GNG2: variants seen among roughly 807,000 people sequenced by gnomAD.
The protein encoded by GNG2 is guanine nucleotide-binding protein G(I)/G(S)/G(O) subunit gamma-2.
Under a neutral mutation model 5.5 loss-of-function variants are expected in GNG2, and 5 were observed. The ratio of observed to expected loss-of-function variants is 0.91; its 90% CI spans 0.48 to 1.92. GNG2 has a LOEUF of 1.92. Among genes scored for constraint, GNG2 ranks in the 30% most tolerant of loss-of-function variants. GNG2 has a pLI of 0.01. For synonymous variants in GNG2, 28 were observed against 32.0 expected (o/e 0.88, Z 0.42); for missense variants, 55 against 88.4 (o/e 0.62, Z 1.52).
intron 1 of GNG2, among the ~76,000 whole-genome samples, chr14:51,869,489 C>T (rs1883158517): frequency 6.6e-6 from 1 of 152,156 alleles, no homozygotes; most frequent in African/African-American, 2.4e-5. Context: ...AGAGGCATAT[C>T]AAGGTGCAGC....
chr14:51,870,782 G>C (rs1883244878), intron 1 of GNG2, among the ~76,000 whole-genome samples: 1 of 152,128 alleles, frequency 6.6e-6, no homozygotes, highest in African/African-American at 2.4e-5. Flanking sequence ...TCCTACTTTG[G>C]CATTATATTT....
In GNG2 at chr14:51,968,815, A is replaced by G. The variant is rs1259668274; in HGVS notation, c.*2128A>G. ...AACACTCTTTGGTGGTGACTGAGGC[A>G]TCATTAGAAGGCCCAGACGATTTCC... On this transcript the variant is annotated 3_prime_UTR_variant, in exon 4 of 4. Transcript: ENST00000556766. The G allele has an allele frequency of 1.3e-5, 2 of 152,232 alleles. No individual in the cohort carries two copies. The highest frequency in any genetic ancestry group is 4.8e-5 in the African/African-American group (2 of 41,456). 9.4% of individuals were successfully genotyped at this position (152,232 alleles called of 1,614,324 possible).
chr14:51,827,289 T>C (rs911679626), intron 1 of GNG2, among the ~76,000 whole-genome samples: 1 of 152,242 alleles, frequency 6.6e-6, no homozygotes, highest in African/African-American at 2.4e-5. Flanking sequence ...AGAACAGTGC[T>C]TCTCGAAGTG....
At chr14:51,930,320 A>C (rs1445814241) in intron 2 of GNG2, among the ~76,000 whole-genome samples, 2 of 152,156 alleles carry the variant, frequency 1.3e-5, no homozygotes, top group Non-Finnish European at 2.9e-5. Context: ...ACTAATCCAT[A>C]CTCACTATCA....
intron 2 of GNG2, among the ~76,000 whole-genome samples, chr14:51,838,014 C>T (rs1048147312): frequency 6.6e-6 from 1 of 151,970 alleles, no homozygotes; most frequent in Non-Finnish European, 1.5e-5. Flanking sequence ...CCTGGAGAAT[C>T]AGATAATCAC....
At chr14:51,906,893 C>T (rs1486154516) in intron 2 of GNG2, among the ~76,000 whole-genome samples, 2 of 151,708 alleles carry the variant, frequency 1.3e-5, no homozygotes, top group Admixed American at 6.6e-5. Flanking sequence ...GTAGCTGGGA[C>T]TACAGGTGCC....
chr14:51,830,524 C>T (rs1881152336), intron 2 of GNG2, among the ~76,000 whole-genome samples: 1 of 152,230 alleles, frequency 6.6e-6, no homozygotes, highest in Non-Finnish European at 1.5e-5. Context: ...GCTTCTCCTG[C>T]ATGTCTCCTG....
chr14:51,864,713 C>T (rs1882755930), intron 1 of GNG2, among the ~76,000 whole-genome samples: 1 of 152,154 alleles, frequency 6.6e-6, no homozygotes, highest in Non-Finnish European at 1.5e-5. Context: ...TTCTTCAGTG[C>T]TTTTCTGGTC....
intron 2 of GNG2, among the ~76,000 whole-genome samples, chr14:51,884,209 T>G (rs1884288014): frequency 6.6e-6 from 1 of 152,208 alleles, no homozygotes; most frequent in Non-Finnish European, 1.5e-5. Context: ...TTTTAAAATG[T>G]GCCTTTTAAA....
chr14:51,900,567 A>C (rs1451793184), intron 2 of GNG2, among the ~76,000 whole-genome samples: 1 of 149,286 alleles, frequency 6.7e-6, no homozygotes, highest in Non-Finnish European at 1.5e-5. Context: ...CCTAGGATCT[A>C]GTATGACATT....
intron 2 of GNG2, among the ~76,000 whole-genome samples, chr14:51,931,387 G>A (rs1347821271): frequency 6.6e-6 from 1 of 151,984 alleles, no homozygotes; most frequent in African/African-American, 2.4e-5. Flanking sequence ...GAAGAGTTTG[G>A]TTTGGGACAT....
chr14:51,944,350 G>GT (rs762298114), intron 2 of GNG2, among the ~76,000 whole-genome samples: 1 of 151,956 alleles, frequency 6.6e-6, no homozygotes, highest in East Asian at 1.9e-4. Context: ...GGAAACGGCT[G>GT]TTTTTTTGCT....
chr14:51,886,015 C>T (rs1378006023), intron 2 of GNG2, among the ~76,000 whole-genome samples: 2 of 152,114 alleles, frequency 1.3e-5, no homozygotes, highest in African/African-American at 4.8e-5. Context: ...CAGATGGTAC[C>T]TCTCTGAAAG....
chr14:51,830,807 A>C (rs1387905162), intron 2 of GNG2, among the ~76,000 whole-genome samples: 2 of 152,206 alleles, frequency 1.3e-5, no homozygotes, highest in Non-Finnish European at 2.9e-5. Context: ...TCGTTACTGC[A>C]GCAAAAGTGC....
At chr14:51,852,129 G>A (rs1223097362) in intron 2 of GNG2, among the ~76,000 whole-genome samples, 1 of 152,130 alleles carries the variant, frequency 6.6e-6, no homozygotes, top group Non-Finnish European at 1.5e-5. Flanking sequence ...AGGAATCAAT[G>A]ACCATAACTG....
At chr14:51,844,039 T>G (rs1357991395) in intron 2 of GNG2, among the ~76,000 whole-genome samples, 1 of 152,226 alleles carries the variant, frequency 6.6e-6, no homozygotes, top group Non-Finnish European at 1.5e-5. Flanking sequence ...GTGCATCTCC[T>G]GGCTGTGTGT....
intron 2 of GNG2, chr14:51,914,036 C>A: frequency 1.9e-6 from 1 of 517,174 alleles, no homozygotes; most frequent in Non-Finnish European, 3.4e-6. Flanking sequence ...GTGCTTAAAA[C>A]TGGGAGTCAC....
At chr14:51,959,718 A>G (rs1389562252) in intron 3 of GNG2, among the ~76,000 whole-genome samples, 2 of 90,204 alleles carry the variant, frequency 2.2e-5, no homozygotes, top group African/African-American at 7.9e-5. Context: ...TTCATTTTGT[A>G]AGTTTCTACC....
intron 2 of GNG2, among the ~76,000 whole-genome samples, chr14:51,890,158 T>C (rs1049472396): frequency 2.0e-5 from 3 of 152,246 alleles, no homozygotes; most frequent in African/African-American, 7.2e-5. Flanking sequence ...CCTCCCTTTC[T>C]AATTGTCTTC....
Sources: gnomAD v4.1 joint callset for allele counts (sites outside exome capture counted in the v4.1 genomes callset) on GRCh38, gnomAD v4.1.1 for gene constraint, MANE v1.5 for transcripts, NCBI Gene and HGNC (gene_info 2026-07-23, HGNC 2026-07-21) for gene names.